Variants in ADD2 observed in about 807,000 individuals in gnomAD.
The protein encoded by ADD2 is adducin 2.
ADD2 carries 23 observed loss-of-function variants against 83.0 expected under a neutral mutation model. That is an observed-to-expected ratio of 0.28 (90% CI 0.20 to 0.39). ADD2 has a LOEUF of 0.39. Among genes scored for constraint, ADD2 ranks in the 10% least tolerant of loss-of-function variants. ADD2 has a pLI of 1.00. For synonymous variants in ADD2, 375 were observed against 375.4 expected (o/e 1.00, Z 0.01); for missense variants, 758 against 944.9 (o/e 0.80, Z 2.59).
chr2:70,731,718 G>A (rs551542310), intron 1 of ADD2, among the ~76,000 whole-genome samples: 1 of 152,302 alleles, frequency 6.6e-6, no homozygotes, highest in South Asian at 2.1e-4. Flanking sequence ...AGTTATAAAT[G>A]GGCTGCTGGA....
chr2:70,758,753 T>C (rs1431815967), intron 1 of ADD2, among the ~76,000 whole-genome samples: 3 of 152,094 alleles, frequency 2.0e-5, no homozygotes, highest in Admixed American at 6.5e-5. Context: ...TGAGCCATGA[T>C]TGCACTGCTG....
At chr2:70,704,273 A>ACCC in intron 4 of ADD2, 48 bp downstream of exon 4, 4 of 523,432 alleles carry the variant, frequency 7.6e-6, no homozygotes, top group Non-Finnish European at 1.2e-5. Flanking sequence ...TCCCCACCCC[A>ACCC]CCCTCCCCTC....
chr2:70,756,851 A>G (rs1574329314), intron 1 of ADD2, among the ~76,000 whole-genome samples: 1 of 152,210 alleles, frequency 6.6e-6, no homozygotes, highest in East Asian at 1.9e-4. Flanking sequence ...CTTTTGAAAC[A>G]GAGTTTAGCT....
chr2:70,691,394 C>A (rs1290840554), intron 7 of ADD2, among the ~76,000 whole-genome samples: 1 of 152,054 alleles, frequency 6.6e-6, no homozygotes, highest in African/African-American at 2.4e-5. Flanking sequence ...TTTTAACAAA[C>A]AGAGAGGCCC....
intron 4 of ADD2, among the ~76,000 whole-genome samples, chr2:70,703,076 C>T (rs1172519187): frequency 6.6e-6 from 1 of 151,140 alleles, no homozygotes; most frequent in Non-Finnish European, 1.5e-5. Flanking sequence ...GCTGAGATTG[C>T]ACCACTACAC....
intron 4 of ADD2, among the ~76,000 whole-genome samples, chr2:70,697,931 A>G (rs189949344): frequency 6.6e-6 from 1 of 152,320 alleles, no homozygotes; most frequent in Admixed American, 6.5e-5. Flanking sequence ...TGCCCTGCAA[A>G]CACAGATAGC....
At position 70,706,294 on chromosome 2, in the gene ADD2, C is replaced by T; in HGVS notation, c.115G>A (p.Ala39Thr). The T allele has an allele frequency of 6.2e-7, 1 of 1,614,122 alleles. No homozygotes were observed. Among genetic ancestry groups the T allele is most frequent in the Non-Finnish European group, 8.5e-7 (1 of 1,180,002 alleles). The change falls in exon 3 of 16, where the codon GCG becomes ACG. Residue 39 changes from alanine (A) to threonine (T), a missense_variant. By Grantham distance (58) the Ala-to-Thr change is moderately conservative (BLOSUM62 0). Transcript: ENST00000264436. The surrounding 1 kb of genome is among the most constrained non-coding windows in gnomAD (Gnocchi z 5.0). ...AGGTTGAAGTCCTGCCGCAGGTCCG[C>T]CGCCCGGTTGCGAAGGCGCATGTAC... ...PEYMRLRNRA[A>T]DLRQDFNLME...
In ADD2 at chr2:70,661,865, T is replaced by G. The variant is rs551962158; in HGVS notation, c.*1560A>C. The G allele has an allele frequency of 6.6e-6, 1 of 152,330 alleles. No homozygotes were observed. Among genetic ancestry groups the G allele is most frequent in the South Asian group, 2.1e-4 (1 of 4,828 alleles). 9.4% of individuals were successfully genotyped at this position (152,330 alleles called of 1,614,324 possible). A position where few individuals can be genotyped will look rare whatever the true frequency, so the allele number is the denominator to read the frequency against. ...GGACTCAGACTGACCTGGATTCAAA[T>G]CCAGGATCCAGATCTTTCTAGCCAA... On this transcript the variant is annotated 3_prime_UTR_variant, in exon 16 of 16. Coordinates refer to ENST00000264436, the MANE Select transcript of ADD2 (RefSeq NM_001617.4).
chr2:70,699,504 G>A (rs1165670351), intron 4 of ADD2, among the ~76,000 whole-genome samples: 1 of 152,194 alleles, frequency 6.6e-6, no homozygotes, highest in East Asian at 1.9e-4. Context: ...AACAGGCCAG[G>A]CACAGTGGCT....
chr2:70,732,580 G>A (rs967110619), intron 1 of ADD2, among the ~76,000 whole-genome samples: 6 of 152,160 alleles, frequency 3.9e-5, no homozygotes, highest in Admixed American at 6.5e-5. Context: ...GGATCTCCCT[G>A]AGCCATCCTC....
intron 1 of ADD2, among the ~76,000 whole-genome samples, chr2:70,749,393 G>A (rs1464663785): frequency 6.6e-6 from 1 of 152,144 alleles, no homozygotes; most frequent in Non-Finnish European, 1.5e-5. Flanking sequence ...TGCATAGGAA[G>A]CACTCTCTTG....
chr2:70,719,600 C>A (rs138962199), intron 1 of ADD2, among the ~76,000 whole-genome samples: 56 of 152,286 alleles, frequency 3.7e-4, no homozygotes, highest in African/African-American at 1.3e-3. Context: ...GATGGCTGGG[C>A]TCAGTCTTCC....
chr2:70,678,001 C>T (rs904240799), intron 11 of ADD2, 124 bp from the exon 12 acceptor site: 26 of 1,305,486 alleles, frequency 2.0e-5, no homozygotes, highest in Admixed American at 1.4e-4. Flanking sequence ...TACTCATAGA[C>T]ACTCTCTCTT....
At chr2:70,722,252 C>T (rs1179955479) in intron 1 of ADD2, among the ~76,000 whole-genome samples, 2 of 152,016 alleles carry the variant, frequency 1.3e-5, no homozygotes, top group African/African-American at 2.4e-5. Flanking sequence ...CTGTATTCTT[C>T]AATTCTAAGA....
At chr2:70,747,776 G>A (rs567878263) in intron 1 of ADD2, among the ~76,000 whole-genome samples, 21 of 152,328 alleles carry the variant, frequency 1.4e-4, no homozygotes, top group African/African-American at 5.0e-4. Flanking sequence ...TGACTTGGGA[G>A]CCACTTATAA....
chr2:70,731,625 C>T (rs1673287071), intron 1 of ADD2, among the ~76,000 whole-genome samples: 1 of 152,318 alleles, frequency 6.6e-6, no homozygotes, highest in East Asian at 1.9e-4. Flanking sequence ...AAAGTGCAAG[C>T]AGAGGACACC....
intron 9 of ADD2, among the ~76,000 whole-genome samples, chr2:70,687,675 C>T (rs2074817): frequency 0.29 from 44,068 of 151,934 alleles, 6,747 homozygotes; most frequent in East Asian, 0.44. Flanking sequence ...AACAGGTATA[C>T]CCCACGTAAC....
At chr2:70,697,693 A>G (rs1553372942) in intron 4 of ADD2, among the ~76,000 whole-genome samples, 2 of 152,110 alleles carry the variant, frequency 1.3e-5, no homozygotes, top group African/African-American at 4.8e-5. Flanking sequence ...TCCTGCATCG[A>G]GTGTGCCATT....
intron 1 of ADD2, among the ~76,000 whole-genome samples, chr2:70,720,673 C>G (rs1285429242): frequency 6.6e-6 from 1 of 152,174 alleles, no homozygotes; most frequent in Non-Finnish European, 1.5e-5. Flanking sequence ...AGCTATTTCA[C>G]CTTCTGTATA....
Sources: gnomAD v4.1 joint callset for allele counts (sites outside exome capture counted in the v4.1 genomes callset) on GRCh38, gnomAD v4.1.1 for gene constraint, Gnocchi (gnomAD v3.1) non-coding constraint, MANE v1.5 for transcripts, NCBI Gene and HGNC (gene_info 2026-07-23, HGNC 2026-07-21) for gene names.